The following DMXL2 variants were observed in gnomAD, a reference collection of about 807,000 sequenced individuals.
DMXL2 encodes dmX-like protein 2.
DMXL2 carries 103 observed loss-of-function variants against 331.1 expected under a neutral mutation model. The ratio of observed to expected loss-of-function variants is 0.31; its 90% CI spans 0.27 to 0.37. The LOEUF is 0.37. Ranked by LOEUF, DMXL2 falls within the 10% of genes least tolerant of loss-of-function variation. The pLI, the probability that DMXL2 is intolerant of heterozygous loss-of-function variation, is 1.00. For missense variants in DMXL2, 3,171 were observed against 3,642.9 expected, an observed-to-expected ratio of 0.87 and a Z score of 3.33; for synonymous variants, 1,281 against 1,252.1, an observed-to-expected ratio of 1.02 and a Z score of -0.49.
intron 15 of DMXL2, among the ~76,000 whole-genome samples, chr15:51,512,187 T>G (rs932563243): frequency 6.6e-6 from 1 of 152,096 alleles, no homozygotes; most frequent in Non-Finnish European, 1.5e-5. Flanking sequence ...AATTAAAGTA[T>G]AATAAAAAAT....
At position 51,536,771 on chromosome 15, in the gene DMXL2, G is replaced by C. The variant is rs371652654; in HGVS notation, c.1709C>G (p.Ala570Gly). 2 of 1,613,892 alleles carry C rather than the reference G, an allele frequency of 1.2e-6. No individual in the cohort carries two copies. Among genetic ancestry groups the C allele is most frequent in the Middle Eastern group, 3.3e-4 (2 of 6,060 alleles). ...CAGCGTGTGGTGAGAATCTTTTGTC[G>C]CATTTATACAGGCATACATCATGAT... ...KNIMMYACIN[A>G]TKDSHHTLLH... is the part of the protein sequence containing the mutation. Residue 570 changes from alanine (A) to glycine (G), a missense_variant, in exon 12 of 44, where the codon GCG becomes GGG. By Grantham distance (60) the Ala-to-Gly change is moderately conservative. Transcript: ENST00000560891.
chr15:51,580,707 G>A (rs78656991), intron 1 of DMXL2, among the ~76,000 whole-genome samples: 6,381 of 152,166 alleles, frequency 0.042, 359 homozygotes, highest in African/African-American at 0.13. Context: ...TTTTATAAAA[G>A]GACTAAACTG....
At position 51,556,634 on chromosome 15, in the gene DMXL2, T is replaced by C. The variant is rs553299850; in HGVS notation, c.567+6747A>G. Among the ~76,000 whole-genome samples the C allele has an allele frequency of 1.8e-3, 278 of 151,974 alleles. 1 individual carries two copies. The highest frequency in any genetic ancestry group is 6.4e-3 in the African/African-American group (264 of 41,452). The stretch of plus-strand genomic sequence containing the variant: ...CCAAAAATACAAAAATTAACCGGCA[T>C]GGTGATGGGTGCCTGTAGTCCCAGC... On this transcript the variant is annotated intron_variant, in intron 6 of 43. Coordinates refer to ENST00000560891, the MANE Select transcript of DMXL2 (RefSeq NM_001378457.1).
intron 15 of DMXL2, among the ~76,000 whole-genome samples, chr15:51,507,543 C>T (rs558117089): frequency 2.0e-5 from 3 of 152,104 alleles, no homozygotes; most frequent in Non-Finnish European, 2.9e-5. Flanking sequence ...TTTGTTAAAA[C>T]GTATTTATCC....
In DMXL2 at chr15:51,449,073, G is replaced by C. The variant is rs765040962; in HGVS notation, c.9088C>G (p.Leu3030Val). Reference sequence around the variant, plus strand: ...GTGCCATCTGCACCACAGGAGAAGAGCCGATTGCCCTGGATGATGTCAATC... The same window carrying C: ...GTGCCATCTGCACCACAGGAGAAGACCCGATTGCCCTGGATGATGTCAATC... Reference protein sequence around the residue: ...MQIDIIQGNRLFSCGADGTLK... With the variant: ...MQIDIIQGNRVFSCGADGTLK... Residue 3030 changes from leucine (L) to valine (V), a missense_variant, in exon 44 of 44, where the codon CTC (leucine) becomes GTC (valine). Around this residue, in one of 7 missense-constraint regions of DMXL2, gnomAD observed 766 missense variants for 940.5 expected, o/e 0.81. Transcript: ENST00000560891. The C allele has an allele frequency of 6.2e-7, 1 of 1,614,196 alleles. No individual in the cohort carries two copies. Among genetic ancestry groups the C allele is most frequent in the Non-Finnish European group, 8.5e-7 (1 of 1,180,032 alleles).
At chr15:51,505,348 C>T (rs545557379) in intron 16 of DMXL2, among the ~76,000 whole-genome samples, 48 of 152,348 alleles carry the variant, frequency 3.2e-4, no homozygotes, top group Non-Finnish European at 6.6e-4. Flanking sequence ...CAACTCAACT[C>T]TAGCCCTGGC....
chr15:51,519,054 T>C (rs2047195394), intron 13 of DMXL2, among the ~76,000 whole-genome samples: 1 of 152,072 alleles, frequency 6.6e-6, no homozygotes, highest in Admixed American at 6.6e-5. Context: ...ATATCAAACA[T>C]TTAAATATAG....
chr15:51,508,591 T>C (rs1400038602), intron 15 of DMXL2, among the ~76,000 whole-genome samples: 4 of 152,234 alleles, frequency 2.6e-5, no homozygotes, highest in African/African-American at 7.2e-5. Context: ...CTTCTCTGTA[T>C]GTATATTATA....
intron 26 of DMXL2, 39 bp from the exon 27 acceptor site, chr15:51,476,758 G>A: frequency 6.5e-7 from 1 of 1,529,304 alleles, no homozygotes; most frequent in South Asian, 1.3e-5. Flanking sequence ...ATCCTGAGAG[G>A]TAATAAAAAA....
chr15:51,621,821 C>CAGCT lies in DMXL2; in HGVS notation c.87+634_87+637dup, dbSNP rs2054647277. 2.9e-5 allele frequency among the ~76,000 whole-genome samples: 4 copies of CAGCT among 140,238 alleles called. No homozygotes were observed. The South Asian group carries it at 9.9e-4, about 35-fold the overall frequency. The allele number at this position is 140,238 out of a possible 152,430, so 92.0% of individuals were successfully genotyped here. On this transcript the variant is annotated intron_variant, in intron 1 of 43. Coordinates refer to ENST00000560891, the MANE Select transcript of DMXL2 (RefSeq NM_001378457.1). ...AACTACGACCTCCTGATAAATGAGA[C>CAGCT]AGCTCTCCAAGCCACTGTGACTCTA... is the stretch of plus-strand genomic sequence containing the variant.
chr15:51,617,913 A>G (rs2054384738), intron 1 of DMXL2, among the ~76,000 whole-genome samples: 2 of 152,226 alleles, frequency 1.3e-5, no homozygotes, highest in South Asian at 4.1e-4. Flanking sequence ...ATAAGAACTT[A>G]TAAACCCTAT....
Position 51,459,607 on chromosome 15 carries a change from G to A in DMXL2, c.7980C>T (p.Cys2660=), listed in dbSNP as rs1355272748. 1 of 1,289,786 alleles carries A rather than the reference G, an allele frequency of 7.8e-7. No individual in the cohort carries two copies. The highest frequency in any genetic ancestry group is 2.3e-5 in the Admixed American group (1 of 43,558). 79.9% of individuals were successfully genotyped at this position (1,289,786 alleles called of 1,614,324 possible). ...QVNQNCIAED[C]HIKVEADLGY... ...GATCTTGGAATACTACCTTGATGTG[G>A]CAATCTTCTGCTATGCAGTTTTGGT... The change falls in exon 34 of 44, where the codon TGC becomes TGT. Residue 2660 remains cysteine, a synonymous_variant. Transcript: ENST00000560891.
At position 51,622,517 on chromosome 15, in the gene DMXL2, G is replaced by A. The variant is rs1262105266; in HGVS notation, c.29C>T (p.Ala10Val). ...GTAGCAGTTGTCTCCAGGGTTGACAGCTCCGGTGAGGACCTGATGCAGATG... is the reference window on the plus strand; with the variant it reads ...GTAGCAGTTGTCTCCAGGGTTGACAACTCCGGTGAGGACCTGATGCAGATG... MHLHQVLTG[A>V]VNPGDNCYSV... Residue 10 changes from alanine (A) to valine (V), a missense_variant, in exon 1 of 44, where the codon GCT (alanine) becomes GTT (valine). Physicochemically the swap from Ala to Val is moderately conservative, Grantham distance 64. Transcript: ENST00000560891. 3 of 1,566,346 alleles carry A rather than the reference G, an allele frequency of 1.9e-6. 1 individual carries two copies. Among genetic ancestry groups the A allele is most frequent in the Non-Finnish European group, 2.6e-6 (3 of 1,155,130 alleles).
intron 2 of DMXL2, 43 bp downstream of exon 2, chr15:51,576,013 C>T (rs747724828): frequency 1.3e-6 from 2 of 1,546,082 alleles, no homozygotes; most frequent in Admixed American, 1.9e-5. Flanking sequence ...GATTATTAAA[C>T]ACATTTTTAA....
chr15:51,457,219 T>C, intron 37 of DMXL2, 109 bp downstream of exon 37: 2 of 1,124,004 alleles, frequency 1.8e-6, no homozygotes, highest in African/African-American at 1.6e-5. Context: ...TCATGGCCTA[T>C]CTACTGGTGT....
chr15:51,481,060 C>T lies in DMXL2; in HGVS notation c.6046G>A (p.Asp2016Asn), dbSNP rs146972389. 4,370 of 1,614,098 alleles carry T rather than the reference C, an allele frequency of 2.7e-3. 14 individuals carry two copies. The highest frequency in any genetic ancestry group is 3.4e-3 in the Non-Finnish European group (4,051 of 1,179,984). ...KDKQSDQKAS[D>N]PNMLLTPQEE... ...TGAGGTGTTAATAACATGTTAGGGT[C>T]TGAGGCCTTCTGATCTGATTGTTTA... Residue 2016 changes from aspartate to asparagine, a missense_variant, in exon 24 of 44, where the codon GAC becomes AAC. By Grantham distance (23) the Asp-to-Asn change is conservative. Transcript: ENST00000560891.
chr15:51,449,236 C>A, intron 43 of DMXL2, 43 bp from the exon 44 acceptor site: 1 of 1,602,026 alleles, frequency 6.2e-7, no homozygotes. Context: ...TACGAAAAGA[C>A]CAAAAGCAAA....
At chr15:51,524,178 C>T (rs988593585) in intron 13 of DMXL2, among the ~76,000 whole-genome samples, 1 of 152,180 alleles carries the variant, frequency 6.6e-6, no homozygotes, top group Non-Finnish European at 1.5e-5. Context: ...AGTAACAGGA[C>T]GCTTGGAAGC....
At chr15:51,603,298 A>G (rs900212570) in intron 1 of DMXL2, among the ~76,000 whole-genome samples, 3 of 152,300 alleles carry the variant, frequency 2.0e-5, no homozygotes, top group Admixed American at 6.5e-5. Context: ...CATTAAAAGT[A>G]TAATAACGAA....
Sources: allele counts gnomAD v4.1 joint callset (sites outside exome capture counted in the v4.1 genomes callset), GRCh38; gene constraint gnomAD v4.1.1; regional missense constraint gnomAD v4.1.1; transcripts MANE v1.5; gene names NCBI Gene and HGNC (gene_info 2026-07-23, HGNC 2026-07-21).